Variants in SLC4A5 observed in about 807,000 individuals in gnomAD.
SLC4A5 encodes the protein electrogenic sodium bicarbonate cotransporter 4.
In SLC4A5, 96 loss-of-function variants were observed where a neutral mutation model predicts 120.4. That is an observed-to-expected ratio of 0.80 (90% confidence interval 0.68 to 0.94). The LOEUF is 0.94. SLC4A5 is among the 40% of genes least tolerant of loss of function. The pLI is 0.00. For synonymous variants in SLC4A5, 550 were observed against 571.1 expected (o/e 0.96, Z 0.53); for missense variants, 1,259 against 1,459.5 (o/e 0.86, Z 2.24).
intron 5 of SLC4A5, among the ~76,000 whole-genome samples, chr2:74,326,559 G>A (rs1038719779): frequency 1.4e-4 from 21 of 152,176 alleles, no homozygotes; most frequent in African/African-American, 5.1e-4. Flanking sequence ...AGTGGCTCAC[G>A]CCTGTAATCC....
chr2:74,317,599 GC>G (rs1672999536), intron 5 of SLC4A5, among the ~76,000 whole-genome samples: 1 of 152,198 alleles, frequency 6.6e-6, no homozygotes, highest in African/African-American at 2.4e-5. Context: ...ATATGGAGGG[GC>G]CCTGTAGGAG....
At chr2:74,298,709 C>A (rs1363649473) in intron 7 of SLC4A5, among the ~76,000 whole-genome samples, 1 of 152,106 alleles carries the variant, frequency 6.6e-6, no homozygotes. Context: ...ATATAAGGAA[C>A]TCATACAACT....
In SLC4A5 at chr2:74,273,732, T is replaced by C. The variant is rs557891764; in HGVS notation, c.402-8468A>G. ...GGATACTGAATTTCCCAACAGATAC[T>C]GAAGACCAGTATTAATTCACTTAGA... On this transcript the variant is annotated intron_variant, in intron 8 of 30. Coordinates refer to ENST00000394019, the Ensembl canonical transcript of SLC4A5. Among the ~76,000 whole-genome samples the C allele has an allele frequency of 1.5e-4, 23 of 152,362 alleles. No homozygotes were observed. In the South Asian group the frequency reaches 2.9e-3, roughly 19 times the overall value.
exon 10 of SLC4A5, chr2:74,264,223 C>T (rs947531833): frequency 6.2e-7 from 1 of 1,614,114 alleles, no homozygotes; most frequent in African/African-American, 1.3e-5. Flanking sequence ...GGTGCCTCCT[C>T]AGGAGGACGT....
chr2:74,220,442 G>T (rs1042489771), intron 30 of SLC4A5, among the ~76,000 whole-genome samples: 1 of 152,078 alleles, frequency 6.6e-6, no homozygotes, highest in African/African-American at 2.4e-5. Context: ...GTACCCCAGG[G>T]TTTCGATCCT....
chr2:74,260,174 C>T (rs1157694818), intron 11 of SLC4A5, among the ~76,000 whole-genome samples: 7 of 152,170 alleles, frequency 4.6e-5, no homozygotes, highest in Admixed American at 6.5e-5. Flanking sequence ...CCCAATAGTT[C>T]CTTCCTCTGT....
chr2:74,328,438 CT>C (rs1414285406), intron 4 of SLC4A5, among the ~76,000 whole-genome samples: 1 of 152,184 alleles, frequency 6.6e-6, no homozygotes, highest in Non-Finnish European at 1.5e-5. Context: ...ACTTGGTGAT[CT>C]TTTTATGGCA....
At chr2:74,336,644 T>A (rs1358011099) in intron 3 of SLC4A5, among the ~76,000 whole-genome samples, 1 of 152,218 alleles carries the variant, frequency 6.6e-6, no homozygotes, top group East Asian at 1.9e-4. Flanking sequence ...TAACATAATT[T>A]GCCCAAGTTC....
chr2:74,277,441 C>T (rs1269229334), intron 8 of SLC4A5, among the ~76,000 whole-genome samples: 2 of 151,976 alleles, frequency 1.3e-5, no homozygotes, highest in South Asian at 2.1e-4. Flanking sequence ...CCCAGCTACT[C>T]GGGAGGCTGA....
intron 8 of SLC4A5, among the ~76,000 whole-genome samples, chr2:74,280,858 T>G (rs1416664195): frequency 2.0e-5 from 3 of 152,060 alleles, no homozygotes; most frequent in Non-Finnish European, 4.4e-5. Context: ...TTAATTTTTT[T>G]GTATTTTTAG....
In SLC4A5 at chr2:74,255,742, AGTGG is replaced by A. The variant is rs1670943489; in HGVS notation, c.1025+29_1025+32del. 6.2e-7 allele frequency: 1 copy of A among 1,611,010 alleles called. No individual in the cohort carries two copies. The highest frequency in any genetic ancestry group is 8.5e-7 in the Non-Finnish European group (1 of 1,177,754). On this transcript the variant is annotated intron_variant, in intron 13 of 30. Coordinates refer to ENST00000394019, the Ensembl canonical transcript of SLC4A5. This position sits in a 1 kb window ranked among gnomAD's most constrained non-coding sequence, Gnocchi z 4.0. ...CTGCACTGCTGACTGGCTACCTGAGAGTGGCGTGGGGACAGGTTTCAATGGCTCT... is the reference window on the plus strand; with the variant it reads ...CTGCACTGCTGACTGGCTACCTGAGACGTGGGGACAGGTTTCAATGGCTCT...
chr2:74,290,574 T>C lies in SLC4A5; in HGVS notation c.272-4672A>G, dbSNP rs1350770112. 5 of 977,198 alleles carry C rather than the reference T, an allele frequency of 5.1e-6. No individual in the cohort carries two copies. The East Asian group carries it at 6.0e-4, about 118-fold the overall frequency. The allele number at this position is 977,198 out of a possible 1,614,324, so 60.5% of individuals were successfully genotyped here. ...TTTGAGAGAGAAAAGCTACACTGAG[T>C]TAATTAAAGATCTGAGAGAGAGAGA... On this transcript the variant is annotated intron_variant, in intron 7 of 30. Transcript: ENST00000394019.
chr2:74,233,097 T>C (rs921193826), intron 23 of SLC4A5, among the ~76,000 whole-genome samples: 4 of 152,204 alleles, frequency 2.6e-5, no homozygotes, highest in Non-Finnish European at 5.9e-5. Context: ...TGTTCTAGGC[T>C]GAGCCCCTGT....
chr2:74,277,646 C>G (rs1204472364), intron 8 of SLC4A5, among the ~76,000 whole-genome samples: 1 of 152,096 alleles, frequency 6.6e-6, no homozygotes, highest in African/African-American at 2.4e-5. Context: ...TGGCTGTGAT[C>G]CTAACAAGAC....
chr2:74,227,178 C>A, intron 26 of SLC4A5, 48 bp from the exon 27 acceptor site: 2 of 1,546,940 alleles, frequency 1.3e-6, no homozygotes, highest in South Asian at 2.4e-5. Flanking sequence ...CCCGAGGGCC[C>A]GCTGGGTCCT....
chr2:74,276,668 C>CTTCATTACCACAGGTATGAAAGACATA lies in SLC4A5; in HGVS notation c.401+9104_401+9105insTATGTCTTTCATACCTGTGGTAATGAA, dbSNP rs1558890847. The stretch of plus-strand genomic sequence containing the variant: ...AGGATTGCTTACGTTAAGTGTATAT[C>CTTCATTACCACAGGTATGAAAGACATA]TTCATTACTACAGGTATGAAAGACA... On this transcript the variant is annotated intron_variant, in intron 8 of 30. Transcript: ENST00000394019. Among the ~76,000 whole-genome samples the CTTCATTACCACAGGTATGAAAGACATA allele has an allele frequency of 2.0e-5, 3 of 150,160 alleles. No homozygotes were observed. The East Asian group carries it at 5.9e-4, about 30-fold the overall frequency.
At chr2:74,250,621 G>A in intron 16 of SLC4A5, 104 bp from the exon 17 acceptor site, 1 of 1,360,506 alleles carries the variant, frequency 7.4e-7, no homozygotes, top group South Asian at 1.3e-5. Flanking sequence ...AAAGGAACTT[G>A]ACCAGGGTGG....
chr2:74,233,667 G>A (rs1352030494), intron 22 of SLC4A5, 104 bp from the exon 23 acceptor site: 3 of 1,373,596 alleles, frequency 2.2e-6, no homozygotes, highest in Non-Finnish European at 2.9e-6. Flanking sequence ...CTGACTTTGG[G>A]TACTTTTCAA....
intron 18 of SLC4A5, among the ~76,000 whole-genome samples, chr2:74,247,715 A>T (rs1368350966): frequency 6.6e-6 from 1 of 152,030 alleles, no homozygotes; most frequent in Non-Finnish European, 1.5e-5. Flanking sequence ...GGGTTTTACC[A>T]TGTTGGCCAG....
Sources: allele counts gnomAD v4.1 joint callset (sites outside exome capture counted in the v4.1 genomes callset), GRCh38; gene constraint gnomAD v4.1.1; non-coding constraint Gnocchi (gnomAD v3.1); transcripts MANE v1.5; gene names NCBI Gene and HGNC (gene_info 2026-07-23, HGNC 2026-07-21).